Variants in CACNA2D3 observed in about 807,000 individuals in gnomAD.
The protein encoded by CACNA2D3 is calcium voltage-gated channel auxiliary subunit alpha2delta 3.
In CACNA2D3, 60 loss-of-function variants were observed where a neutral mutation model predicts 160.6. The ratio of observed to expected loss-of-function variants is 0.37; its 90% CI spans 0.30 to 0.46. CACNA2D3 has a LOEUF of 0.46. Among genes scored for constraint, CACNA2D3 ranks in the 20% least tolerant of loss-of-function variants. CACNA2D3 has a pLI of 1.00. For missense variants in CACNA2D3, 1,205 were observed against 1,365.0 expected (o/e 0.88, Z 1.85); for synonymous variants, 558 against 492.9 (o/e 1.13, Z -1.75).
chr3:54,856,173 C>G (rs548120638), intron 17 of CACNA2D3, among the ~76,000 whole-genome samples: 6 of 152,104 alleles, frequency 3.9e-5, no homozygotes, highest in Non-Finnish European at 8.8e-5. Context: ...AAATAAATGA[C>G]GAGAGAAAAC....
chr3:54,984,419 A>G (rs1215282148), intron 29 of CACNA2D3, among the ~76,000 whole-genome samples, 189 bp from the exon 30 acceptor site: 1 of 152,192 alleles, frequency 6.6e-6, no homozygotes, highest in East Asian at 1.9e-4. Flanking sequence ...TGCAAAGTAA[A>G]CACCGGGGTT....
intron 27 of CACNA2D3, among the ~76,000 whole-genome samples, chr3:54,944,119 A>C (rs547613505): frequency 6.6e-6 from 1 of 152,174 alleles, no homozygotes; most frequent in African/African-American, 2.4e-5. Context: ...CCATTTCCAT[A>C]TCCTTTGGTA....
chr3:54,916,326 G>A (rs1201218878), intron 27 of CACNA2D3, among the ~76,000 whole-genome samples: 1 of 152,120 alleles, frequency 6.6e-6, no homozygotes, highest in Middle Eastern at 3.2e-3. Flanking sequence ...GCCATGGAAA[G>A]AAAGGTTTTT....
rs538154585 is a variant in CACNA2D3 at position 54,241,457 on chromosome 3, C to A, written c.205-78985C>A. Among the ~76,000 whole-genome samples, 113 of 152,332 alleles carry A rather than the reference C, an allele frequency of 7.4e-4. 1 individual carries two copies. The highest frequency in any genetic ancestry group is 1.4e-3 in the Non-Finnish European group (95 of 68,032). On this transcript the variant is annotated intron_variant, in intron 2 of 37. Transcript: ENST00000474759. ...CCAGGCCATCTGGCTCCAGAGTCCA[C>A]AGTCTAAGAAAGCCTATTAATCAGC...
chr3:54,305,052 A>G (rs929686978), intron 2 of CACNA2D3, among the ~76,000 whole-genome samples: 4 of 152,182 alleles, frequency 2.6e-5, no homozygotes, highest in Non-Finnish European at 5.9e-5. Flanking sequence ...TTATTTTGGC[A>G]TAGTAACGTA....
rs115875692 is a variant in CACNA2D3, at chr3:54,666,736, C to T, written c.1167+24495C>T. ...AAAGGCCTTAAAAGGCGTTAAACCA[C>T]GTTTTTCTAAGACAAAAGATCAGTC... On this transcript the variant is annotated intron_variant, in intron 11 of 37. Coordinates refer to ENST00000474759, the MANE Select transcript of CACNA2D3 (RefSeq NM_018398.3). Among the ~76,000 whole-genome samples the T allele has an allele frequency of 3.4e-3, 518 of 152,300 alleles. 3 individuals carry two copies. Among genetic ancestry groups the T allele is most frequent in the African/African-American group, 0.012 (480 of 41,552 alleles).
At chr3:54,682,801 A>C (rs1462916730) in intron 11 of CACNA2D3, among the ~76,000 whole-genome samples, 1 of 152,162 alleles carries the variant, frequency 6.6e-6, no homozygotes, top group Non-Finnish European at 1.5e-5. Flanking sequence ...CCCAAGCAGT[A>C]GGCTTGGGCT....
At chr3:54,299,796 C>T (rs1703433878) in intron 2 of CACNA2D3, among the ~76,000 whole-genome samples, 2 of 152,186 alleles carry the variant, frequency 1.3e-5, no homozygotes, top group Non-Finnish European at 2.9e-5. Flanking sequence ...TGAATTAACA[C>T]ATCGATTTTC....
intron 35 of CACNA2D3, among the ~76,000 whole-genome samples, chr3:55,022,592 T>A (rs1236617066): frequency 6.9e-6 from 1 of 145,760 alleles, no homozygotes; most frequent in African/African-American, 2.8e-5. Context: ...CCTTCCTTTT[T>A]TCCTTCTTTC....
intron 4 of CACNA2D3, among the ~76,000 whole-genome samples, chr3:54,502,777 C>T (rs1205073127): frequency 6.6e-6 from 1 of 152,208 alleles, no homozygotes; most frequent in African/African-American, 2.4e-5. Context: ...CACCTCATAA[C>T]ATTGTTAGGA....
At chr3:54,252,414 G>A (rs1702210919) in intron 2 of CACNA2D3, among the ~76,000 whole-genome samples, 2 of 152,132 alleles carry the variant, frequency 1.3e-5, no homozygotes, top group Admixed American at 1.3e-4. Flanking sequence ...AGGAAAATAG[G>A]CTGGTGTCTT....
At chr3:54,899,456 C>T (rs1700276243) in intron 26 of CACNA2D3, among the ~76,000 whole-genome samples, 1 of 152,186 alleles carries the variant, frequency 6.6e-6, no homozygotes, top group Non-Finnish European at 1.5e-5. Flanking sequence ...ACCACTGACA[C>T]AAGTAAACAC....
chr3:54,177,533 T>C (rs1482447611), intron 2 of CACNA2D3, among the ~76,000 whole-genome samples: 1 of 152,208 alleles, frequency 6.6e-6, no homozygotes, highest in Non-Finnish European at 1.5e-5. Flanking sequence ...GACTATTGGC[T>C]TTGGTGAATT....
In CACNA2D3 at chr3:55,001,121, A is replaced by G. The variant is rs570419256; in HGVS notation, c.2691-3642A>G. On this transcript the variant is annotated intron_variant, in intron 31 of 37. Transcript: ENST00000474759. Reference sequence around the variant, plus strand: ...ATGGTTGCTAAACAGAGTTCAGTACACATCAGCTGTTGTTATCATTGCCTT... The same window carrying G: ...ATGGTTGCTAAACAGAGTTCAGTACGCATCAGCTGTTGTTATCATTGCCTT... Among the ~76,000 whole-genome samples, 14 of 152,338 alleles carry G rather than the reference A, an allele frequency of 9.2e-5. No individual in the cohort carries two copies. The East Asian group carries it at 2.5e-3, about 27-fold the overall frequency.
chr3:54,376,016 A>AT (rs1409593434), intron 3 of CACNA2D3, among the ~76,000 whole-genome samples: 2 of 152,006 alleles, frequency 1.3e-5, no homozygotes, highest in South Asian at 4.1e-4. Flanking sequence ...ATCCTTTTTA[A>AT]TTTTTTTCAG....
At chr3:54,703,871 T>C (rs985484484) in intron 11 of CACNA2D3, among the ~76,000 whole-genome samples, 12 of 152,220 alleles carry the variant, frequency 7.9e-5, no homozygotes, top group African/African-American at 2.9e-4. Context: ...CGCATTTGTT[T>C]GTAGCACTTT....
chr3:55,037,524 AG>A (rs1486968921), intron 35 of CACNA2D3, among the ~76,000 whole-genome samples: 3 of 152,206 alleles, frequency 2.0e-5, no homozygotes, highest in African/African-American at 7.2e-5. Context: ...CCTCCCTGCA[AG>A]AGGGCGGGCC....
At chr3:54,926,457 C>T (rs1333926513) in intron 27 of CACNA2D3, among the ~76,000 whole-genome samples, 1 of 151,378 alleles carries the variant, frequency 6.6e-6, no homozygotes, top group Non-Finnish European at 1.5e-5. Flanking sequence ...TTTCCTCCCT[C>T]CAGAGTCTGT....
At chr3:54,780,838 A>G (rs558127552) in intron 13 of CACNA2D3, among the ~76,000 whole-genome samples, 23 of 152,138 alleles carry the variant, frequency 1.5e-4, no homozygotes, top group Non-Finnish European at 2.9e-4. Context: ...GGAATCATAG[A>G]TTTTTGACAG....
Sources: allele counts gnomAD v4.1 joint callset (sites outside exome capture counted in the v4.1 genomes callset), GRCh38; gene constraint gnomAD v4.1.1; transcripts MANE v1.5; gene names NCBI Gene and HGNC (gene_info 2026-07-23, HGNC 2026-07-21).